The following RIMKLB variants were observed in gnomAD, a reference collection of about 807,000 sequenced individuals.
RIMKLB encodes the protein ribosomal modification protein rimK like family member B.
RIMKLB carries 7 observed loss-of-function variants against 32.0 expected under a neutral mutation model. The observed-to-expected ratio is 0.22, with a 90% CI of 0.12 to 0.41. The LOEUF is 0.41. Among genes scored for constraint, RIMKLB ranks in the 10% least tolerant of loss-of-function variants. The probability of loss-of-function intolerance (pLI) is 1.00; values close to 1 mark genes in which losing one functional copy is unlikely to be tolerated. For missense variants in RIMKLB, 289 were observed against 498.7 expected (o/e 0.58, Z 4.00); for synonymous variants, 172 against 185.1 (o/e 0.93, Z 0.57).
chr12:8,731,755 C>T (rs1220309375), intron 2 of RIMKLB, among the ~76,000 whole-genome samples: 1 of 152,066 alleles, frequency 6.6e-6, no homozygotes, highest in Non-Finnish European at 1.5e-5. Flanking sequence ...TGATATTCCT[C>T]TTGGATACCT....
At chr12:8,683,069 T>C (rs1182919081) in intron 1 of RIMKLB, among the ~76,000 whole-genome samples, 3 of 152,202 alleles carry the variant, frequency 2.0e-5, no homozygotes, top group African/African-American at 4.8e-5. Context: ...GGTTCCTCCA[T>C]GTCTTTTGGA....
upstream of RIMKLB, among the ~76,000 whole-genome samples, chr12:8,678,506 T>TC (rs1942358167): frequency 6.6e-6 from 1 of 151,028 alleles, no homozygotes; most frequent in South Asian, 2.1e-4. Flanking sequence ...AATTTTGTTT[T>TC]TAATAGAGAC....
chr12:8,755,747 A>G (rs1437905523), intron 5 of RIMKLB, among the ~76,000 whole-genome samples: 4 of 152,166 alleles, frequency 2.6e-5, no homozygotes, highest in Non-Finnish European at 4.4e-5. Context: ...AATGGCTCAC[A>G]CTGGTAATCC....
chr12:8,700,101 A>C (rs1243304501), intron 1 of RIMKLB: 1 of 152,210 alleles, frequency 6.6e-6, no homozygotes, highest in Non-Finnish European at 1.5e-5. Context: ...ACAATAAATT[A>C]GCCCCTTCTT....
downstream of RIMKLB, among the ~76,000 whole-genome samples, chr12:8,781,594 T>C (rs142021904): frequency 1.1e-4 from 17 of 152,302 alleles, no homozygotes; most frequent in African/African-American, 3.8e-4. Flanking sequence ...CTCCCTGTCT[T>C]TGTGCCTCTC....
intron 2 of RIMKLB, among the ~76,000 whole-genome samples, chr12:8,723,084 A>G (rs903707233): frequency 2.0e-5 from 3 of 152,224 alleles, no homozygotes; most frequent in Non-Finnish European, 2.9e-5. Flanking sequence ...TCCTTTGCAT[A>G]TACAACTTGT....
chr12:8,763,342 G>C (rs1249968088), intron 5 of RIMKLB, among the ~76,000 whole-genome samples: 1 of 152,190 alleles, frequency 6.6e-6, no homozygotes, highest in Non-Finnish European at 1.5e-5. Flanking sequence ...CTGGGGCTTG[G>C]GTTAGGGCCT....
intron 1 of RIMKLB, among the ~76,000 whole-genome samples, chr12:8,683,749 TTTTG>T (rs1197690174): frequency 1.3e-5 from 2 of 152,172 alleles, no homozygotes; most frequent in Admixed American, 6.5e-5. Context: ...AATTTTGGTT[TTTTG>T]TTTGTTTGTT....
At chr12:8,706,306 A>G (rs1156416770) in intron 1 of RIMKLB, among the ~76,000 whole-genome samples, 2 of 151,584 alleles carry the variant, frequency 1.3e-5, no homozygotes, top group African/African-American at 4.9e-5. Flanking sequence ...TGCCTAGCTA[A>G]TTTTTGTATT....
chr12:8,682,210 A>G, intron 1 of RIMKLB, among the ~76,000 whole-genome samples: 1 of 152,232 alleles, frequency 6.6e-6, no homozygotes, highest in East Asian at 1.9e-4. Context: ...GGAGGGAAGA[A>G]CATGTAGTTC....
downstream of RIMKLB, chr12:8,779,271 A>T (rs140508938): frequency 2.6e-5 from 4 of 152,296 alleles, no homozygotes; most frequent in East Asian, 5.8e-4. Flanking sequence ...ACCATATTCA[A>T]ACTTATTAGG....
At chr12:8,703,091 G>A (rs893014369) in intron 1 of RIMKLB, among the ~76,000 whole-genome samples, 8 of 152,156 alleles carry the variant, frequency 5.3e-5, no homozygotes, top group African/African-American at 1.9e-4. Context: ...TTTGAGACCA[G>A]CCTGGCCAAC....
chr12:8,694,220 C>G (rs1489002909), upstream of RIMKLB, among the ~76,000 whole-genome samples: 2 of 151,872 alleles, frequency 1.3e-5, no homozygotes, highest in African/African-American at 4.8e-5. Flanking sequence ...GCAACAGAGC[C>G]AGACTCCGTC....
chr12:8,684,663 G>C (rs2136535945), intron 1 of RIMKLB, among the ~76,000 whole-genome samples: 1 of 152,182 alleles, frequency 6.6e-6, no homozygotes, highest in Non-Finnish European at 1.5e-5. Flanking sequence ...GTCTCACCCT[G>C]TTGCCCAGGC....
At chr12:8,763,700 T>G (rs1243958169) in intron 5 of RIMKLB, among the ~76,000 whole-genome samples, 1 of 152,212 alleles carries the variant, frequency 6.6e-6, no homozygotes, top group African/African-American at 2.4e-5. Flanking sequence ...TTGGGTGGCT[T>G]GATGACACAA....
At chr12:8,710,411 G>T (rs1039874469) in intron 1 of RIMKLB, among the ~76,000 whole-genome samples, 1 of 150,424 alleles carries the variant, frequency 6.6e-6, no homozygotes, top group African/African-American at 2.5e-5. Flanking sequence ...GGGTTCAAGC[G>T]ATTATCCTGC....
chr12:8,700,674 A>G (rs1943308970), intron 1 of RIMKLB: 1 of 152,204 alleles, frequency 6.6e-6, no homozygotes, highest in African/African-American at 2.4e-5. Context: ...AGTGATATAC[A>G]TTCATAGAAA....
At position 8,683,934 on chromosome 12, in the gene RIMKLB, G is replaced by A. The variant is rs751198607; in HGVS notation, n.219+2116G>A. On this transcript the variant is annotated intron_variant and non_coding_transcript_variant, in intron 1 of 1. Coordinates refer to the RIMKLB transcript ENST00000538758. The stretch of plus-strand genomic sequence containing the variant: ...AGCTAATTTTTGTATTTTTAGTAGA[G>A]GTGGAGTTTCACCATGTTGGCCAGG... Among the ~76,000 whole-genome samples the A allele has an allele frequency of 2.0e-5, 3 of 151,952 alleles. No homozygotes were observed. In the East Asian group the frequency reaches 5.8e-4, roughly 29 times the overall value.
rs147844487 is a variant in RIMKLB at position 8,738,868 on chromosome 12, T to C, written c.176-10994T>C. ...GATAGTTTCTGAGTTAGTAGTTTTG[T>C]TGGAATAGTCCATTCCATCAGAACA... On this transcript the variant is annotated intron_variant, in intron 2 of 5. Transcript: ENST00000535829. Among the ~76,000 whole-genome samples, 609 of 152,334 alleles carry C rather than the reference T, an allele frequency of 4.0e-3. 9 individuals carry two copies. The highest frequency in any genetic ancestry group is 0.014 in the African/African-American group (574 of 41,584).
Sources: gnomAD v4.1 joint callset for allele counts (sites outside exome capture counted in the v4.1 genomes callset) on GRCh38, gnomAD v4.1.1 for gene constraint, MANE v1.5 for transcripts, NCBI Gene and HGNC (gene_info 2026-07-23, HGNC 2026-07-21) for gene names.